SDCCAG8: variants seen among roughly 807,000 people sequenced by gnomAD.
The protein encoded by SDCCAG8 is SHH signaling and ciliogenesis regulator SDCCAG8, also known as serologically defined colon cancer antigen 8.
SDCCAG8 carries 74 observed loss-of-function variants against 101.8 expected under a neutral mutation model. The observed-to-expected ratio is 0.73, with a 90% CI of 0.60 to 0.88. The LOEUF is 0.88. SDCCAG8 is among the 40% of genes least tolerant of loss of function. The pLI is 0.00. For missense variants in SDCCAG8, 787 were observed against 822.6 expected (o/e 0.96, Z 0.53); for synonymous variants, 281 against 292.9 (o/e 0.96, Z 0.41).
At chr1:243,356,830 G>GA (rs899119153) in intron 12 of SDCCAG8, among the ~76,000 whole-genome samples, 51 of 147,790 alleles carry the variant, frequency 3.5e-4, no homozygotes, top group South Asian at 8.6e-4. Context: ...ACAAAAAAAA[G>GA]AAAAAAAAAA....
chr1:243,383,356 CT>C (rs1185811332), intron 13 of SDCCAG8, among the ~76,000 whole-genome samples: 1 of 152,142 alleles, frequency 6.6e-6, no homozygotes. Context: ...TTACTTAACT[CT>C]TTGGGCCTGC....
intron 10 of SDCCAG8, among the ~76,000 whole-genome samples, chr1:243,334,044 C>G (rs1026617877): frequency 6.6e-6 from 1 of 152,168 alleles, no homozygotes; most frequent in Non-Finnish European, 1.5e-5. Flanking sequence ...CACTATTTAT[C>G]CAGTTATCCA....
At chr1:243,315,021 T>C (rs1353265139) in intron 8 of SDCCAG8, among the ~76,000 whole-genome samples, 1 of 152,204 alleles carries the variant, frequency 6.6e-6, no homozygotes, top group Non-Finnish European at 1.5e-5. Flanking sequence ...TTTTTGTTCA[T>C]TCTTTTTCCT....
intron 2 of SDCCAG8, among the ~76,000 whole-genome samples, chr1:243,270,770 T>C (rs1315683991): frequency 2.0e-5 from 3 of 152,148 alleles, no homozygotes; most frequent in Non-Finnish European, 4.4e-5. Context: ...TTATATCTAT[T>C]AGTGTCTCTC....
intron 12 of SDCCAG8, among the ~76,000 whole-genome samples, chr1:243,357,509 A>C (rs561236839): frequency 2.4e-4 from 37 of 152,378 alleles, no homozygotes; most frequent in African/African-American, 7.0e-4. Flanking sequence ...ACCAAGGGTC[A>C]GAAAGACTTT....
chr1:243,330,850 G>A (rs1298260040), intron 10 of SDCCAG8, among the ~76,000 whole-genome samples, 158 bp downstream of exon 10: 1 of 152,086 alleles, frequency 6.6e-6, no homozygotes, highest in Admixed American at 6.5e-5. Flanking sequence ...TCATAAAAAT[G>A]TTTTATCTTT....
chr1:243,471,349 C>G (rs1355675701), intron 16 of SDCCAG8, among the ~76,000 whole-genome samples: 1 of 152,084 alleles, frequency 6.6e-6, no homozygotes, highest in Non-Finnish European at 1.5e-5. Context: ...CCTTTTTTCC[C>G]CCAGTATTAT....
rs2083053152 is a variant in SDCCAG8, at chr1:243,447,844, GA to G, written c.1985+21287del. ...AAAACTTTACAAAGAAGGGTAAGGGGATATGGTGTGAAGAGCTACAAACTTC... is the reference window on the plus strand; with the variant it reads ...AAAACTTTACAAAGAAGGGTAAGGGGTATGGTGTGAAGAGCTACAAACTTC... On this transcript the variant is annotated intron_variant, in intron 16 of 17. Transcript: ENST00000366541. 2.0e-5 allele frequency among the ~76,000 whole-genome samples: 3 copies of G among 152,252 alleles called. No individual in the cohort carries two copies. In the South Asian group the frequency reaches 6.2e-4, roughly 32 times the overall value.
intron 5 of SDCCAG8, among the ~76,000 whole-genome samples, chr1:243,291,308 A>G (rs1212447109): frequency 6.6e-6 from 1 of 152,236 alleles, no homozygotes; most frequent in African/African-American, 2.4e-5. Context: ...GTTGCAACTA[A>G]CAATGGGTAC....
intron 12 of SDCCAG8, among the ~76,000 whole-genome samples, chr1:243,359,957 T>C (rs1221089123): frequency 6.6e-6 from 1 of 152,142 alleles, no homozygotes; most frequent in Non-Finnish European, 1.5e-5. Flanking sequence ...CTTTTTTATA[T>C]TTAGTTGTTC....
intron 16 of SDCCAG8, among the ~76,000 whole-genome samples, chr1:243,439,622 TCACACACACACACACA>T (rs60044857): frequency 5.8e-5 from 7 of 120,202 alleles, no homozygotes; most frequent in Middle Eastern, 4.0e-3. Context: ...TGAGACTCCA[TCACACACACACACACA>T]CACACACACA....
At chr1:243,431,076 A>G (rs908035133) in intron 16 of SDCCAG8, among the ~76,000 whole-genome samples, 4 of 152,124 alleles carry the variant, frequency 2.6e-5, no homozygotes, top group African/African-American at 7.2e-5. Flanking sequence ...GAGCGCCTGT[A>G]ATCCTAGCTA....
chr1:243,359,253 A>G (rs1490683984), intron 12 of SDCCAG8, among the ~76,000 whole-genome samples: 2 of 152,168 alleles, frequency 1.3e-5, no homozygotes, highest in Non-Finnish European at 2.9e-5. Flanking sequence ...TTTCATTGCT[A>G]ATACAGATGA....
chr1:243,404,935 C>T (rs1192475648), intron 13 of SDCCAG8, among the ~76,000 whole-genome samples: 2 of 150,042 alleles, frequency 1.3e-5, no homozygotes, highest in African/African-American at 2.5e-5. Flanking sequence ...GGCATGATCT[C>T]GGCTCACCAC....
At chr1:243,311,120 G>A (rs947116604) in intron 8 of SDCCAG8, among the ~76,000 whole-genome samples, 62 of 152,286 alleles carry the variant, frequency 4.1e-4, no homozygotes, top group African/African-American at 1.4e-3. Context: ...GTATGTATAG[G>A]GAATGCTTTT....
At chr1:243,394,510 G>A (rs2078918356) in intron 13 of SDCCAG8, among the ~76,000 whole-genome samples, 1 of 152,026 alleles carries the variant, frequency 6.6e-6, no homozygotes, top group African/African-American at 2.4e-5. Flanking sequence ...TTGAGGAAGG[G>A]GGTGGAAAAA....
At chr1:243,340,958 A>G in intron 10 of SDCCAG8, 81 bp from the exon 11 acceptor site, 1 of 1,405,456 alleles carries the variant, frequency 7.1e-7, no homozygotes, top group Non-Finnish European at 1.0e-6. Context: ...GACTATGCTG[A>G]GACGCTATTA....
At chr1:243,410,918 A>G (rs2080127058) in intron 13 of SDCCAG8, among the ~76,000 whole-genome samples, 2 of 152,114 alleles carry the variant, frequency 1.3e-5, no homozygotes, top group Admixed American at 6.6e-5. Context: ...AGGAATGACT[A>G]TGCTTCCATG....
chr1:243,265,388 T>TG (rs1348001417), intron 1 of SDCCAG8, among the ~76,000 whole-genome samples: 1 of 152,234 alleles, frequency 6.6e-6, no homozygotes, highest in Non-Finnish European at 1.5e-5. Flanking sequence ...TTGGGATAGT[T>TG]GTTGAATTCA....
Sources: allele counts gnomAD v4.1 joint callset (sites outside exome capture counted in the v4.1 genomes callset), GRCh38; gene constraint gnomAD v4.1.1; transcripts MANE v1.5; gene names NCBI Gene and HGNC (gene_info 2026-07-23, HGNC 2026-07-21).